The following C4orf50 variants were observed in gnomAD, a reference collection of about 807,000 sequenced individuals.
C4orf50 encodes chromosome 4 open reading frame 50, also known as uncharacterized protein C4orf50.
A neutral mutation model predicts 77.2 loss-of-function variants in C4orf50; 80 were observed. The ratio of observed to expected loss-of-function variants is 1.04; its 90% CI spans 0.87 to 1.25. The LOEUF (loss-of-function observed/expected upper bound fraction) is 1.25. Ranked by LOEUF, C4orf50 falls within the 50% of genes most tolerant of loss-of-function variation. C4orf50 has a pLI of 0.00. For synonymous variants in C4orf50, 532 were observed against 465.3 expected (o/e 1.14, Z -1.84); for missense variants, 1,257 against 1,152.9 (o/e 1.09, Z -1.31).
rs372267207 is a variant in C4orf50, at chr4:5,966,983, T to C, written c.4153+431A>G. On this transcript the variant is annotated intron_variant, in intron 32 of 33. Transcript: ENST00000531445. Reference sequence around the variant, plus strand: ...CAGTTTCAAACTTAGTAGAACATGGTAATTCCCATGCTGTTGCATGGTGTT... The same window carrying C: ...CAGTTTCAAACTTAGTAGAACATGGCAATTCCCATGCTGTTGCATGGTGTT... Among the ~76,000 whole-genome samples, 32 of 152,314 alleles carry C rather than the reference T, an allele frequency of 2.1e-4. No homozygotes were observed. In the South Asian group the frequency reaches 2.7e-3, roughly 13 times the overall value.
At position 5,919,021 on chromosome 4, in the gene C4orf50, G is replaced by T. The variant is rs1391060956; in HGVS notation, c.*2475-20833C>A. Among the ~76,000 whole-genome samples the T allele has an allele frequency of 6.6e-6, 1 of 152,224 alleles. No homozygotes were observed. Among genetic ancestry groups the T allele is most frequent in the Non-Finnish European group, 1.5e-5 (1 of 68,038 alleles). On this transcript the variant is annotated intron_variant, in intron 7 of 7. Transcript: ENST00000324058. This position sits in a 1 kb window ranked among gnomAD's most constrained non-coding sequence, Gnocchi z 6.5. ...GAAACTGAGACCCGGAGGAGTCAAAGGGCTTGCCCAAGTCTCGGTGCTTCT... is the reference window on the plus strand; with the variant it reads ...GAAACTGAGACCCGGAGGAGTCAAATGGCTTGCCCAAGTCTCGGTGCTTCT...
At chr4:5,986,359 C>A (rs1192476501) in intron 28 of C4orf50, among the ~76,000 whole-genome samples, 11 of 151,874 alleles carry the variant, frequency 7.2e-5, no homozygotes, top group Non-Finnish European at 1.5e-4. Context: ...CTGAAAAACT[C>A]CAGAGATGCT....
At chr4:5,929,294 C>T (rs180677587) in intron 7 of C4orf50, among the ~76,000 whole-genome samples, 13 of 152,274 alleles carry the variant, frequency 8.5e-5, no homozygotes, top group Middle Eastern at 3.4e-3. Context: ...GGCTCTGATG[C>T]GCCTGTCAGC....
In C4orf50 at chr4:5,973,932, C is replaced by G. The variant is rs966595268; in HGVS notation, c.3922-91G>C. 30 of 1,034,960 alleles carry G rather than the reference C, an allele frequency of 2.9e-5. No homozygotes were observed. In the African/African-American group the frequency reaches 4.7e-4, roughly 16 times the overall value. 64.1% of individuals were successfully genotyped at this position (1,034,960 alleles called of 1,614,324 possible). Reference sequence around the variant, plus strand: ...GGGGGCCGGAGGGTCAGCTGAGGCCCCTACTCACCATCCCCAGCCCTGCCT... The same window carrying G: ...GGGGGCCGGAGGGTCAGCTGAGGCCGCTACTCACCATCCCCAGCCCTGCCT... On this transcript the variant is annotated intron_variant, in intron 30 of 33. Transcript: ENST00000531445.
chr4:5,921,852 G>T (rs546759992), intron 7 of C4orf50, among the ~76,000 whole-genome samples: 83 of 152,174 alleles, frequency 5.5e-4, no homozygotes, highest in Non-Finnish European at 8.1e-4. Flanking sequence ...TGAGGAAATG[G>T]GGCCAGGGAA....
At chr4:6,012,901 A>T (rs1015932927) in intron 23 of C4orf50, among the ~76,000 whole-genome samples, 14 of 152,184 alleles carry the variant, frequency 9.2e-5, no homozygotes, top group African/African-American at 3.4e-4. Context: ...GTGAAGGTGC[A>T]TTCACAGCCT....
chr4:5,988,846 T>G, exon 28 of C4orf50: 2 of 1,536,092 alleles, frequency 1.3e-6, no homozygotes, highest in Non-Finnish European at 1.7e-6. Context: ...CAGCTCTTTA[T>G]AACTGACGCC....
At position 5,981,481 on chromosome 4, in the gene C4orf50, C is replaced by T. The variant is rs188661359; in HGVS notation, c.3700-1143G>A. ...GTGCAATGGCATGACCTCGGCTCAC[C>T]GCAACCTCCGCCTCCCAGGTTCAAG... On this transcript the variant is annotated intron_variant, in intron 28 of 33. Coordinates refer to ENST00000531445, the Ensembl canonical transcript of C4orf50. 4.6e-4 allele frequency among the ~76,000 whole-genome samples: 70 copies of T among 151,258 alleles called. No homozygotes were observed. In the East Asian group the frequency reaches 7.4e-3, roughly 16 times the overall value.
chr4:5,959,321 T>C, exon 34 of C4orf50: 1 of 1,566,682 alleles, frequency 6.4e-7, no homozygotes, highest in Non-Finnish European at 8.7e-7. Flanking sequence ...CTGAAGGTTC[T>C]GCTTCAAATA....
chr4:5,939,396 T>C (rs1718170171), intron 7 of C4orf50, among the ~76,000 whole-genome samples: 1 of 152,164 alleles, frequency 6.6e-6, no homozygotes, highest in Non-Finnish European at 1.5e-5. Context: ...GGATCCAAAA[T>C]GGTCTCCCTA....
intron 25 of C4orf50, among the ~76,000 whole-genome samples, chr4:5,999,420 C>T (rs1447311376): frequency 6.6e-6 from 1 of 152,112 alleles, no homozygotes; most frequent in African/African-American, 2.4e-5. Context: ...ATAAGCACTC[C>T]AAAAGTTGAT....
At chr4:6,006,577 A>T (rs978763791) in intron 25 of C4orf50, among the ~76,000 whole-genome samples, 1 of 152,242 alleles carries the variant, frequency 6.6e-6, no homozygotes, top group South Asian at 2.1e-4. Flanking sequence ...GCATTACATG[A>T]AATAATGTCT....
At chr4:5,980,423 A>G in intron 28 of C4orf50, 85 bp from the exon 7 acceptor site, 2 of 1,227,318 alleles carry the variant, frequency 1.6e-6, no homozygotes, top group Non-Finnish European at 1.1e-6. Context: ...CCGTTTCCCC[A>G]CTCCGTAGTT....
chr4:5,989,295 A>C (rs1442976401), exon 28 of C4orf50: 1 of 1,535,782 alleles, frequency 6.5e-7, no homozygotes, highest in Non-Finnish European at 8.7e-7. Context: ...TCTCGAGGGC[A>C]CCCCAGGGCT....
At chr4:5,915,464 T>G (rs1259644006) in intron 7 of C4orf50, among the ~76,000 whole-genome samples, 1 of 152,224 alleles carries the variant, frequency 6.6e-6, no homozygotes, top group Non-Finnish European at 1.5e-5. Context: ...GGCTCTCAGG[T>G]AGGAATGACC....
intron 31 of C4orf50, among the ~76,000 whole-genome samples, chr4:5,968,215 C>T (rs529206586): frequency 1.8e-4 from 28 of 152,326 alleles, no homozygotes; most frequent in Middle Eastern, 3.4e-3. Flanking sequence ...TGAACTTCTA[C>T]GTAGATGTCA....
chr4:5,996,814 G>A (rs1721613329), intron 25 of C4orf50, among the ~76,000 whole-genome samples: 1 of 152,230 alleles, frequency 6.6e-6, no homozygotes, highest in Non-Finnish European at 1.5e-5. Context: ...ATCCTGTCCT[G>A]ACAGCCACCT....
chr4:5,907,071 A>G (rs902119169), intron 7 of C4orf50, among the ~76,000 whole-genome samples: 4 of 152,202 alleles, frequency 2.6e-5, no homozygotes, highest in African/African-American at 7.2e-5. Context: ...TTATGTGTTA[A>G]GCTCATAAGC....
intron 7 of C4orf50, among the ~76,000 whole-genome samples, chr4:5,912,256 C>CGTGT (rs58017259): frequency 0.023 from 3,429 of 146,404 alleles, 84 homozygotes; most frequent in African/African-American, 0.067. Flanking sequence ...GCACTCCACT[C>CGTGT]GTGTGTGTGT....
Sources: allele counts gnomAD v4.1 joint callset (sites outside exome capture counted in the v4.1 genomes callset), GRCh38; gene constraint gnomAD v4.1.1; non-coding constraint Gnocchi (gnomAD v3.1); transcripts MANE v1.5; gene names NCBI Gene and HGNC (gene_info 2026-07-23, HGNC 2026-07-21).